The following SV2C variants were observed in gnomAD, a reference collection of about 807,000 sequenced individuals.
SV2C encodes synaptic vesicle glycoprotein 2C.
Under a neutral mutation model 79.7 loss-of-function variants are expected in SV2C, and 49 were observed. That is an observed-to-expected ratio of 0.61 (90% CI 0.49 to 0.78). The LOEUF (loss-of-function observed/expected upper bound fraction) is 0.78, where lower values mean the gene tolerates loss of function less well. SV2C is among the 30% of genes least tolerant of loss of function. The probability of loss-of-function intolerance (pLI) is 0.00; values close to 1 mark genes in which losing one functional copy is unlikely to be tolerated. For missense variants in SV2C, 833 were observed against 912.9 expected (o/e 0.91, Z 1.13); for synonymous variants, 334 against 333.2 (o/e 1.00, Z -0.03).
chr5:76,257,851 G>A (rs533552916), intron 4 of SV2C, among the ~76,000 whole-genome samples: 51 of 151,038 alleles, frequency 3.4e-4, no homozygotes, highest in African/African-American at 1.1e-3. Flanking sequence ...TGTGGTAGGT[G>A]TATGTGGTGT....
the SV2C span, among the ~76,000 whole-genome samples, chr5:76,026,634 A>G: frequency 5.3e-5 from 8 of 152,242 alleles, no homozygotes; most frequent in East Asian, 1.5e-3. Context: ...TGAGAAATCA[A>G]TCACTAGAGA....
chr5:76,199,640 G>C (rs1005880856), intron 3 of SV2C, among the ~76,000 whole-genome samples: 3 of 152,236 alleles, frequency 2.0e-5, no homozygotes, highest in African/African-American at 7.2e-5. Context: ...CCATGGCAGA[G>C]TGGGCATGGG....
At chr5:76,210,062 A>T (rs1457177359) in intron 4 of SV2C, among the ~76,000 whole-genome samples, 175 bp downstream of exon 4, 1 of 151,876 alleles carries the variant, frequency 6.6e-6, no homozygotes, top group East Asian at 1.9e-4. Context: ...GTATAAAGTA[A>T]GACTGTATCA....
At chr5:75,863,870 G>A in the SV2C span, among the ~76,000 whole-genome samples, 1 of 152,274 alleles carries the variant, frequency 6.6e-6, no homozygotes, top group East Asian at 1.9e-4. Context: ...TGCTGAATAA[G>A]TTTGTTTACT....
At chr5:75,938,375 A>G in the SV2C span, among the ~76,000 whole-genome samples, 1 of 152,216 alleles carries the variant, frequency 6.6e-6, no homozygotes, top group African/African-American at 2.4e-5. Flanking sequence ...GCCATTCATA[A>G]TACTGATAAA....
intron 4 of SV2C, among the ~76,000 whole-genome samples, chr5:76,220,488 A>G (rs902230562): frequency 6.6e-6 from 1 of 152,128 alleles, no homozygotes; most frequent in African/African-American, 2.4e-5. Flanking sequence ...CCTGGGCAAC[A>G]TGGCAAAACC....
At chr5:76,039,347 G>T in the SV2C span, among the ~76,000 whole-genome samples, 3 of 152,176 alleles carry the variant, frequency 2.0e-5, no homozygotes, top group African/African-American at 2.4e-5. Flanking sequence ...GAAAACTAGG[G>T]ATCATCTCAT....
intron 12 of SV2C, among the ~76,000 whole-genome samples, chr5:76,312,270 G>T (rs1276393164): frequency 2.6e-5 from 4 of 151,434 alleles, no homozygotes; most frequent in African/African-American, 4.9e-5. Flanking sequence ...TTTTGGGGGG[G>T]GGGACAGGGT....
the SV2C span, among the ~76,000 whole-genome samples, chr5:75,949,874 G>T: frequency 6.6e-6 from 1 of 152,028 alleles, no homozygotes; most frequent in African/African-American, 2.4e-5. Flanking sequence ...TGTTAAAGAG[G>T]TGACACAATT....
the SV2C span, among the ~76,000 whole-genome samples, chr5:75,996,312 T>A: frequency 6.6e-6 from 1 of 152,168 alleles, no homozygotes; most frequent in African/African-American, 2.4e-5. Context: ...CAGCATTATT[T>A]CTGAGGGCTC....
At chr5:75,934,094 T>C in the SV2C span, among the ~76,000 whole-genome samples, 2 of 152,154 alleles carry the variant, frequency 1.3e-5, no homozygotes, top group Non-Finnish European at 2.9e-5. Context: ...ACCATCTCCA[T>C]TTTATGGAGT....
chr5:76,264,228 A>G (rs191243593), intron 4 of SV2C, among the ~76,000 whole-genome samples: 1 of 151,598 alleles, frequency 6.6e-6, no homozygotes, highest in East Asian at 2.0e-4. Flanking sequence ...TGATTCAGCT[A>G]TTGATACTTG....
At chr5:75,892,422 CTT>C in the SV2C span, among the ~76,000 whole-genome samples, 1 of 150,710 alleles carries the variant, frequency 6.6e-6, no homozygotes, top group Admixed American at 6.6e-5. Context: ...CTTACCCCTT[CTT>C]TTTTTTTCAA....
intron 2 of SV2C, 93 bp from the exon 3 acceptor site, chr5:76,194,826 G>A: frequency 1.4e-6 from 2 of 1,438,040 alleles, no homozygotes; most frequent in South Asian, 2.6e-5. Context: ...CATGCAAAAT[G>A]CTGGAATGTA....
At chr5:75,962,573 G>A in the SV2C span, among the ~76,000 whole-genome samples, 1 of 152,078 alleles carries the variant, frequency 6.6e-6, no homozygotes, top group African/African-American at 2.4e-5. Context: ...TTTTCATGAG[G>A]TGTCAGTGAT....
At chr5:76,275,355 C>T (rs919802638) in intron 4 of SV2C, among the ~76,000 whole-genome samples, 3 of 151,958 alleles carry the variant, frequency 2.0e-5, no homozygotes, top group Non-Finnish European at 2.9e-5. Context: ...GGCATGGTGG[C>T]GGGCGCCTGT....
At chr5:76,055,329 G>A in the SV2C span, among the ~76,000 whole-genome samples, 1 of 152,080 alleles carries the variant, frequency 6.6e-6, no homozygotes, top group Non-Finnish European at 1.5e-5. Flanking sequence ...TATGATTTCT[G>A]AGGTCTCTGT....
intron 1 of SV2C, among the ~76,000 whole-genome samples, chr5:76,110,105 G>A (rs1428999556): frequency 2.0e-5 from 3 of 152,184 alleles, no homozygotes; most frequent in East Asian, 1.9e-4. Context: ...GAATCAAATC[G>A]TGTTTTCTAA....
At chr5:76,185,642 A>G (rs934661899) in intron 2 of SV2C, among the ~76,000 whole-genome samples, 5 of 152,250 alleles carry the variant, frequency 3.3e-5, no homozygotes, top group Admixed American at 2.0e-4. Context: ...TCTTTTAGCC[A>G]TAGCTGGAGC....
Sources: gnomAD v4.1 joint callset for allele counts (sites outside exome capture counted in the v4.1 genomes callset) on GRCh38, gnomAD v4.1.1 for gene constraint, MANE v1.5 for transcripts, NCBI Gene and HGNC (gene_info 2026-07-23, HGNC 2026-07-21) for gene names.